WWOX: variants seen among roughly 807,000 people sequenced by gnomAD.
WWOX encodes WW domain containing oxidoreductase, also known as WW domain-containing oxidoreductase.
Under a neutral mutation model 46.2 loss-of-function variants are expected in WWOX, and 69 were observed. That is an observed-to-expected ratio of 1.49 (90% confidence interval 1.23 to 1.82). The LOEUF (loss-of-function observed/expected upper bound fraction) is 1.82. Ranked by LOEUF, WWOX falls within the 40% of genes most tolerant of loss-of-function variation. The probability of loss-of-function intolerance (pLI) is 0.00; values close to 1 mark genes in which losing one functional copy is unlikely to be tolerated. For synonymous variants in WWOX, 359 were observed against 202.6 expected (o/e 1.77, Z -6.56); for missense variants, 919 against 542.6 (o/e 1.69, Z -6.89).
chr16:78,617,049 T>A (rs1302555120), intron 8 of WWOX, among the ~76,000 whole-genome samples: 1 of 152,210 alleles, frequency 6.6e-6, no homozygotes, highest in Non-Finnish European at 1.5e-5. Flanking sequence ...ATCTCTAACA[T>A]GCACATGGCC....
chr16:78,238,697 A>G (rs11150051), intron 5 of WWOX, among the ~76,000 whole-genome samples: 128,374 of 151,770 alleles, frequency 0.85, 54,810 homozygotes, highest in African/African-American at 0.96. Flanking sequence ...TTGGCTCGCC[A>G]TGATCTCTAC....
intron 8 of WWOX, among the ~76,000 whole-genome samples, chr16:79,105,691 C>G (rs544350965): frequency 8.7e-5 from 13 of 148,868 alleles, no homozygotes; most frequent in African/African-American, 3.2e-4. Context: ...GAGACAGGGT[C>G]TCACTCTGTC....
chr16:79,019,637 C>T (rs1749831762), intron 8 of WWOX, among the ~76,000 whole-genome samples: 1 of 151,836 alleles, frequency 6.6e-6, no homozygotes, highest in African/African-American at 2.4e-5. Flanking sequence ...CAGGAAGCAG[C>T]TGCATGTGCA....
chr16:78,816,943 A>G (rs1297737118), intron 8 of WWOX, among the ~76,000 whole-genome samples: 1 of 152,168 alleles, frequency 6.6e-6, no homozygotes, highest in East Asian at 1.9e-4. Flanking sequence ...AGTTATTATT[A>G]GACAGAAACA....
intron 5 of WWOX, among the ~76,000 whole-genome samples, chr16:78,333,192 AGG>A (rs1484620475): frequency 2.0e-5 from 3 of 151,146 alleles, no homozygotes; most frequent in African/African-American, 7.3e-5. Context: ...CTGGGACTAC[AGG>A]AGCATACTCC....
chr16:78,927,312 C>G (rs1054171505), intron 8 of WWOX, among the ~76,000 whole-genome samples: 27 of 152,302 alleles, frequency 1.8e-4, no homozygotes, highest in Middle Eastern at 6.8e-3. Flanking sequence ...TCTTGGTCCA[C>G]TGTTTATCCT....
intron 8 of WWOX, among the ~76,000 whole-genome samples, chr16:78,543,613 C>G (rs2043953825): frequency 6.6e-6 from 1 of 152,158 alleles, no homozygotes. Context: ...ACTTGGAATG[C>G]AAAAACCTAA....
intron 8 of WWOX, among the ~76,000 whole-genome samples, chr16:79,046,961 AC>A (rs1365375869): frequency 2.6e-5 from 4 of 152,086 alleles, no homozygotes; most frequent in Non-Finnish European, 5.9e-5. Context: ...TGTAAAAGTA[AC>A]CCCCAGCCTG....
At chr16:78,260,555 C>T (rs1017213567) in intron 5 of WWOX, among the ~76,000 whole-genome samples, 1 of 151,314 alleles carries the variant, frequency 6.6e-6, no homozygotes. Flanking sequence ...GTAATCCCAC[C>T]TACTTGGGAG....
intron 8 of WWOX, among the ~76,000 whole-genome samples, chr16:79,105,317 A>G (rs923567009): frequency 6.6e-6 from 1 of 152,204 alleles, no homozygotes; most frequent in Non-Finnish European, 1.5e-5. Context: ...AATACAGATA[A>G]GCGAAAATAA....
intron 8 of WWOX, among the ~76,000 whole-genome samples, chr16:78,697,334 T>C: frequency 6.6e-6 from 1 of 152,222 alleles, no homozygotes; most frequent in East Asian, 1.9e-4. Context: ...CTATTATTTT[T>C]TGCATTTTTG....
intron 8 of WWOX, among the ~76,000 whole-genome samples, chr16:78,830,227 A>G (rs896499972): frequency 2.0e-5 from 3 of 152,252 alleles, no homozygotes; most frequent in African/African-American, 4.8e-5. Flanking sequence ...TTAACATTCT[A>G]GTAATATTTG....
At chr16:79,023,602 G>A (rs1027715698) in intron 8 of WWOX, among the ~76,000 whole-genome samples, 1 of 152,076 alleles carries the variant, frequency 6.6e-6, no homozygotes, top group Non-Finnish European at 1.5e-5. Flanking sequence ...ATGACGTTTT[G>A]GTCTGTGCTA....
At chr16:79,029,442 G>C (rs1054651196) in intron 8 of WWOX, among the ~76,000 whole-genome samples, 1 of 152,224 alleles carries the variant, frequency 6.6e-6, no homozygotes, top group East Asian at 1.9e-4. Flanking sequence ...AAAGGGTTCT[G>C]ATGTGTGATA....
intron 8 of WWOX, among the ~76,000 whole-genome samples, chr16:78,464,442 C>A (rs959330398): frequency 1.3e-5 from 2 of 152,128 alleles, no homozygotes; most frequent in African/African-American, 2.4e-5. Flanking sequence ...TAGTAGTCCA[C>A]AGAAAGCACC....
chr16:78,233,807 G>A (rs1349082193), intron 5 of WWOX, among the ~76,000 whole-genome samples: 3 of 152,096 alleles, frequency 2.0e-5, no homozygotes, highest in Admixed American at 6.6e-5. Flanking sequence ...GATTACAGGC[G>A]TGAGCCACCG....
chr16:78,424,760 A>G (rs1168792710), intron 6 of WWOX, 110 bp from the exon 7 acceptor site: 2 of 1,222,090 alleles, frequency 1.6e-6, no homozygotes, highest in South Asian at 1.2e-5. Context: ...AGCATGGATT[A>G]TCCTTGGTTG....
At chr16:79,113,230 G>C (rs1236783318) in intron 8 of WWOX, among the ~76,000 whole-genome samples, 1 of 152,232 alleles carries the variant, frequency 6.6e-6, no homozygotes, top group African/African-American at 2.4e-5. Context: ...AGAAAGGGAA[G>C]GGGAAGCAAA....
chr16:78,647,313 C>A (rs542569659), intron 8 of WWOX, among the ~76,000 whole-genome samples: 3 of 152,226 alleles, frequency 2.0e-5, no homozygotes, highest in South Asian at 4.1e-4. Context: ...CCGGCCCAGG[C>A]GAGGATGAGG....
Sources: allele counts gnomAD v4.1 joint callset (sites outside exome capture counted in the v4.1 genomes callset), GRCh38; gene constraint gnomAD v4.1.1; transcripts MANE v1.5; gene names NCBI Gene and HGNC (gene_info 2026-07-23, HGNC 2026-07-21).